SBF2: variants seen among roughly 807,000 people sequenced by gnomAD.
The protein encoded by SBF2 is myotubularin-related protein 13.
A neutral mutation model predicts 225.2 loss-of-function variants in SBF2; 112 were observed. The observed-to-expected ratio is 0.50, with a 90% CI of 0.43 to 0.58. The LOEUF (loss-of-function observed/expected upper bound fraction) is 0.58, where lower values mean the gene tolerates loss of function less well. Among genes scored for constraint, SBF2 ranks in the 20% least tolerant of loss-of-function variants. The pLI, the probability that SBF2 is intolerant of heterozygous loss-of-function variation, is 0.00. For synonymous variants in SBF2, 763 were observed against 773.3 expected, an observed-to-expected ratio of 0.99 and a Z score of 0.22; for missense variants, 1,996 against 2,206.2, an observed-to-expected ratio of 0.90 and a Z score of 1.91.
intron 16 of SBF2, among the ~76,000 whole-genome samples, chr11:9,944,870 C>G (rs891006737): frequency 6.6e-6 from 1 of 152,084 alleles, no homozygotes; most frequent in Non-Finnish European, 1.5e-5. Flanking sequence ...TTTTGGGAGG[C>G]TGATGCAGGA....
chr11:10,219,793 G>A (rs1488484220), intron 1 of SBF2, among the ~76,000 whole-genome samples: 1 of 152,124 alleles, frequency 6.6e-6, no homozygotes, highest in East Asian at 1.9e-4. Context: ...TTCCCAACAA[G>A]TTTCTCATCT....
chr11:9,845,514 T>G (rs1856478177), intron 24 of SBF2, 51 bp downstream of exon 24: 21 of 1,518,416 alleles, frequency 1.4e-5, no homozygotes, highest in Non-Finnish European at 1.7e-5. Context: ...TTACTCCTTT[T>G]GCAATCAATT....
intron 16 of SBF2, chr11:9,959,994 C>T: frequency 3.4e-6 from 1 of 295,788 alleles, no homozygotes; most frequent in Admixed American, 4.3e-5. Flanking sequence ...AGGGTTTTTT[C>T]TTTTTTAAAG....
At chr11:10,090,781 A>AAAAAAAAAAAAAAAAAC in intron 2 of SBF2, among the ~76,000 whole-genome samples, 1 of 151,144 alleles carries the variant, frequency 6.6e-6, no homozygotes, top group African/African-American at 2.4e-5. Flanking sequence ...AAAAAAAAAA[A>AAAAAAAAAAAAAAAAAC]AAAAGCTATT....
intron 37 of SBF2, 182 bp downstream of exon 37, chr11:9,784,943 T>G (rs565238850): frequency 1.7e-4 from 109 of 655,304 alleles, no homozygotes; most frequent in Non-Finnish European, 2.7e-4. Flanking sequence ...TTATTTTTAG[T>G]TGTAATTTTT....
chr11:10,277,247 G>A (rs529755286), intron 1 of SBF2, among the ~76,000 whole-genome samples: 1 of 45,416 alleles, frequency 2.2e-5, no homozygotes, highest in East Asian at 8.2e-4. Flanking sequence ...CAAAGACTCT[G>A]TCTCTAAACA....
At chr11:9,846,896 A>G in intron 23 of SBF2, 60 bp downstream of exon 23, 1 of 1,589,666 alleles carries the variant, frequency 6.3e-7, no homozygotes, top group East Asian at 2.2e-5. Flanking sequence ...AAATGGCCAT[A>G]ATATCATTTG....
intron 2 of SBF2, among the ~76,000 whole-genome samples, chr11:10,070,639 T>C (rs182656650): frequency 6.6e-6 from 1 of 152,324 alleles, no homozygotes; most frequent in Non-Finnish European, 1.5e-5. Context: ...CTTGGCAATG[T>C]GGGCTCTTTT....
intron 1 of SBF2, among the ~76,000 whole-genome samples, chr11:10,207,030 T>A (rs1487040535): frequency 6.6e-6 from 1 of 151,950 alleles, no homozygotes; most frequent in Non-Finnish European, 1.5e-5. Context: ...TCAAAAGAAA[T>A]CTACACTAAG....
intron 3 of SBF2, among the ~76,000 whole-genome samples, chr11:10,035,566 A>G (rs1471823523): frequency 1.3e-5 from 2 of 152,216 alleles, no homozygotes; most frequent in African/African-American, 2.4e-5. Flanking sequence ...ACAAATTTAA[A>G]AGAAAAAAAC....
chr11:10,053,462 A>G (rs1256392006), intron 2 of SBF2, among the ~76,000 whole-genome samples: 1 of 152,238 alleles, frequency 6.6e-6, no homozygotes, highest in Non-Finnish European at 1.5e-5. Context: ...CTGTTATTAT[A>G]AACTATATTC....
chr11:9,921,216 A>T (rs1177585731), intron 16 of SBF2, among the ~76,000 whole-genome samples: 3 of 151,830 alleles, frequency 2.0e-5, no homozygotes, highest in African/African-American at 4.8e-5. Context: ...GATTACAGGC[A>T]TACGCCACCA....
Position 10,215,332 on chromosome 11 carries a change from T to C in SBF2, c.56-21345A>G, listed in dbSNP as rs534111129. 1.2e-4 allele frequency among the ~76,000 whole-genome samples: 19 copies of C among 152,336 alleles called. No homozygotes were observed. In the South Asian group the frequency reaches 2.1e-3, roughly 17 times the overall value. The stretch of plus-strand genomic sequence containing the variant: ...ATGTTTTTCACTGTCATCTTAAAAA[T>C]TGGTATTCTCCAAGAGATGTAACCT... On this transcript the variant is annotated intron_variant, in intron 1 of 39. Transcript: ENST00000256190.
At chr11:10,196,866 A>ATATATATATATTTTTT in intron 1 of SBF2, among the ~76,000 whole-genome samples, 3 of 99,312 alleles carry the variant, frequency 3.0e-5, no homozygotes, top group African/African-American at 8.1e-5. Flanking sequence ...ATATATATAT[A>ATATATATATATTTTTT]TTTTTTTTTT....
intron 32 of SBF2, among the ~76,000 whole-genome samples, chr11:9,802,864 C>T (rs1853570996): frequency 6.6e-6 from 1 of 152,156 alleles, no homozygotes; most frequent in Non-Finnish European, 1.5e-5. Context: ...AAATAATTTG[C>T]ATCACCAAAG....
chr11:9,821,129 T>C (rs1355730256), intron 28 of SBF2, among the ~76,000 whole-genome samples: 1 of 152,210 alleles, frequency 6.6e-6, no homozygotes, highest in Non-Finnish European at 1.5e-5. Context: ...TCTGAATTTA[T>C]TGAGACCTGT....
rs141261394 is a variant in SBF2 at position 10,222,437 on chromosome 11, T to C, written c.56-28450A>G. On this transcript the variant is annotated intron_variant, in intron 1 of 39. Coordinates refer to ENST00000256190, the MANE Select transcript of SBF2 (RefSeq NM_030962.4). ...AAAAATTAACAAAGCAATAGAAACC[T>C]AAAAAATAACAAAGTAGAAATTCTA... Among the ~76,000 whole-genome samples the C allele has an allele frequency of 1.6e-4, 25 of 152,032 alleles. No individual in the cohort carries two copies. In the East Asian group the frequency reaches 4.8e-3, roughly 29 times the overall value.
chr11:10,005,178 T>C (rs1046946522), intron 6 of SBF2, among the ~76,000 whole-genome samples: 10 of 151,918 alleles, frequency 6.6e-5, no homozygotes, highest in African/African-American at 2.4e-5. Context: ...ATCTCAGGAG[T>C]TGGCGAGCGG....
At chr11:9,887,745 A>G (rs530801937) in intron 17 of SBF2, among the ~76,000 whole-genome samples, 1 of 152,154 alleles carries the variant, frequency 6.6e-6, no homozygotes, top group African/African-American at 2.4e-5. Flanking sequence ...TTTAAGATTA[A>G]TATTTGGTTT....
Sources: gnomAD v4.1 joint callset for allele counts (sites outside exome capture counted in the v4.1 genomes callset) on GRCh38, gnomAD v4.1.1 for gene constraint, MANE v1.5 for transcripts, NCBI Gene and HGNC (gene_info 2026-07-23, HGNC 2026-07-21) for gene names.